Variants in MARK2 observed in about 807,000 individuals in gnomAD.
The protein encoded by MARK2 is serine/threonine-protein kinase MARK2.
MARK2 carries 16 observed loss-of-function variants against 89.8 expected under a neutral mutation model. The observed-to-expected ratio is 0.18, with a 90% CI of 0.12 to 0.27. The LOEUF (loss-of-function observed/expected upper bound fraction) is 0.27. Ranked by LOEUF, MARK2 falls within the 10% of genes least tolerant of loss-of-function variation. The pLI, the probability that MARK2 is intolerant of heterozygous loss-of-function variation, is 1.00. For synonymous variants in MARK2, 382 were observed against 399.5 expected, an observed-to-expected ratio of 0.96 and a Z score of 0.52; for missense variants, 621 against 1,049.9, an observed-to-expected ratio of 0.59 and a Z score of 5.65.
At chr11:63,867,861 A>C (rs1056562122) in intron 1 of MARK2, among the ~76,000 whole-genome samples, 1 of 152,196 alleles carries the variant, frequency 6.6e-6, no homozygotes, top group African/African-American at 2.4e-5. Context: ...TGAAAAAAAA[A>C]CAAAAGCCAT....
intron 1 of MARK2, among the ~76,000 whole-genome samples, chr11:63,871,144 A>G (rs546627033): frequency 3.3e-5 from 5 of 152,350 alleles, no homozygotes; most frequent in African/African-American, 1.2e-4. Flanking sequence ...ACGTGCGTGC[A>G]TACAGAAAGT....
rs778849888 is a variant in MARK2 at position 63,908,932 on chromosome 11, G to A, written c.2062G>A (p.Ala688Thr). 3 of 1,515,736 alleles carry A rather than the reference G, an allele frequency of 2.0e-6. No individual in the cohort carries two copies. The highest frequency in any genetic ancestry group is 2.7e-6 in the Non-Finnish European group (3 of 1,124,460). 93.9% of individuals were successfully genotyped at this position (1,515,736 alleles called of 1,614,324 possible). The change falls in exon 19 of 19, where the codon GCC (alanine) becomes ACC (threonine). Residue 688 changes from alanine to threonine, a missense_variant. Coordinates refer to ENST00000402010, the MANE Select transcript of MARK2 (RefSeq NM_001039469.3). ...NDKEKEEFRE[A>T]KPRSLRFTWS... is the part of the protein sequence containing the mutation. ...CAAAGAAAAGGAAGAATTTCGGGAG[G>A]CCAAGCCCCGCTCCCTCCGCTTCAC...
chr11:63,886,776 T>A (rs1181486667), intron 1 of MARK2, among the ~76,000 whole-genome samples: 4 of 152,212 alleles, frequency 2.6e-5, no homozygotes, highest in Non-Finnish European at 4.4e-5. Context: ...AGCTTTTCTG[T>A]TTGTAGTCAG....
intron 1 of MARK2, among the ~76,000 whole-genome samples, chr11:63,839,803 C>T (rs2015914714): frequency 6.6e-6 from 1 of 152,074 alleles, no homozygotes; most frequent in Admixed American, 6.5e-5. Context: ...CCTCACCGCC[C>T]TCCTGCGCTC....
intron 1 of MARK2, chr11:63,890,369 C>A: frequency 1.1e-6 from 1 of 919,384 alleles, no homozygotes; most frequent in Non-Finnish European, 1.5e-6. Context: ...GGGTTGGTGA[C>A]TTTGGAGCAG....
intron 1 of MARK2, among the ~76,000 whole-genome samples, chr11:63,877,162 T>A (rs1938813843): frequency 7.6e-6 from 1 of 131,816 alleles, no homozygotes; most frequent in Admixed American, 9.7e-5. Context: ...GAGGCTGGAG[T>A]GCAGTGGCAT....
chr11:63,901,692 CTGTG>C lies in MARK2; in HGVS notation c.1102-478_1102-475del, dbSNP rs56308004. Reference sequence around the variant, plus strand: ...GTGCTTTATGTTTGGGTGTGTGTATCTGTGTGTGTGTGTGTGTGTGTGTGTGTGT... The same window carrying C: ...GTGCTTTATGTTTGGGTGTGTGTATCTGTGTGTGTGTGTGTGTGTGTGTGT... On this transcript the variant is annotated intron_variant, in intron 11 of 18. Transcript: ENST00000402010. Among the ~76,000 whole-genome samples, 812 of 134,756 alleles carry C rather than the reference CTGTG, an allele frequency of 6.0e-3. 3 individuals are homozygous for C. The highest frequency in any genetic ancestry group is 0.014 in the East Asian group (58 of 4,262). The allele number at this position is 134,756 out of a possible 152,430, so 88.4% of individuals were successfully genotyped here.
chr11:63,854,387 T>G (rs1454895309), intron 1 of MARK2, among the ~76,000 whole-genome samples: 4 of 149,006 alleles, frequency 2.7e-5, no homozygotes, highest in Non-Finnish European at 4.5e-5. Context: ...TGTTTTTTTT[T>G]TTTTTTTTTG....
intron 1 of MARK2, among the ~76,000 whole-genome samples, chr11:63,886,251 C>T (rs542073778): frequency 2.0e-5 from 3 of 152,002 alleles, no homozygotes; most frequent in Admixed American, 6.6e-5. Context: ...CTTAGCCTCC[C>T]GAGTAGCTGA....
rs1940963689 is a variant in MARK2, at chr11:63,902,313, G to A, written c.1217G>A (p.Arg406Gln). 1.9e-6 allele frequency: 3 copies of A among 1,614,054 alleles called. No homozygotes were observed. The highest frequency in any genetic ancestry group is 2.5e-6 in the Non-Finnish European group (3 of 1,179,974). ...QRSVSANPKQ[R>Q]RFSDQAAGPA... ...AGCGTGTCGGCCAATCCCAAGCAGC[G>A]GCGCTTCAGCGACCAGGGTAAATGC... Residue 406 changes from arginine (R) to glutamine (Q), a missense_variant, in exon 12 of 19, where the codon CGG becomes CAG. Arg to Gln is a conservative substitution (Grantham distance 43, BLOSUM62 1). Coordinates refer to ENST00000402010, the MANE Select transcript of MARK2 (RefSeq NM_001039469.3). The surrounding 1 kb of genome is among the most constrained non-coding windows in gnomAD (Gnocchi z 4.2).
At chr11:63,842,023 C>T (rs545607440) in intron 1 of MARK2, among the ~76,000 whole-genome samples, 13 of 152,164 alleles carry the variant, frequency 8.5e-5, no homozygotes, top group Non-Finnish European at 1.2e-4. Flanking sequence ...ACATTGTCAT[C>T]CTGTTAGGAT....
intron 1 of MARK2, among the ~76,000 whole-genome samples, chr11:63,874,707 A>G (rs1257114234): frequency 1.3e-5 from 2 of 152,200 alleles, no homozygotes; most frequent in African/African-American, 4.8e-5. Flanking sequence ...CCCCTTGTCT[A>G]TAAACAAGTG....
intron 1 of MARK2, among the ~76,000 whole-genome samples, chr11:63,850,452 C>T (rs1422858351): frequency 2.0e-5 from 3 of 151,302 alleles, no homozygotes; most frequent in Non-Finnish European, 4.4e-5. Flanking sequence ...CAGGCGTGAG[C>T]CACTGCACCC....
chr11:63,853,392 T>TA lies in MARK2; in HGVS notation c.54+13847dup, dbSNP rs146715941. 6.5e-3 allele frequency among the ~76,000 whole-genome samples: 817 copies of TA among 125,538 alleles called. 3 individuals are homozygous for TA. Among genetic ancestry groups the TA allele is most frequent in the African/African-American group, 0.015 (516 of 33,950 alleles). The allele number at this position is 125,538 out of a possible 152,430, so 82.4% of individuals were successfully genotyped here. ...CCAGCCTGGGCGACAAGAGCGAAACTAAAAAAAAAAAAAAAGATGTAGCTG... is the reference window on the plus strand; with the variant it reads ...CCAGCCTGGGCGACAAGAGCGAAACTAAAAAAAAAAAAAAAAGATGTAGCTG... On this transcript the variant is annotated intron_variant, in intron 1 of 18. Transcript: ENST00000402010.
chr11:63,857,952 C>T (rs974215625), intron 1 of MARK2, among the ~76,000 whole-genome samples: 4 of 152,278 alleles, frequency 2.6e-5, no homozygotes, highest in African/African-American at 7.2e-5. Context: ...AAGCAATCCT[C>T]TCATCTCAGC....
intron 1 of MARK2, among the ~76,000 whole-genome samples, chr11:63,869,922 A>C (rs1938353309): frequency 6.6e-6 from 1 of 152,088 alleles, no homozygotes. Context: ...ACAGGAAGAC[A>C]CTCAGGGCTC....
chr11:63,899,116 A>T lies in MARK2; in HGVS notation c.531+8A>T. On this transcript the variant is annotated splice_region_variant and intron_variant, in intron 7 of 18. Coordinates refer to ENST00000402010, the MANE Select transcript of MARK2 (RefSeq NM_001039469.3). ...GTCCATAGAGACTTAAAGGTAAGGC[A>T]TGCACTTCTCCTTGTGCCTTTGAGT... The T allele has an allele frequency of 6.3e-7, 1 of 1,597,854 alleles. No homozygotes were observed. The highest frequency in any genetic ancestry group is 8.6e-7 in the Non-Finnish European group (1 of 1,167,022).
intron 1 of MARK2, among the ~76,000 whole-genome samples, chr11:63,876,718 C>G (rs1239634513): frequency 6.6e-6 from 1 of 152,154 alleles, no homozygotes; most frequent in Non-Finnish European, 1.5e-5. Context: ...GCCATCTTTT[C>G]TTCCCTGCCA....
At chr11:63,841,864 T>A (rs972554224) in intron 1 of MARK2, among the ~76,000 whole-genome samples, 2 of 152,232 alleles carry the variant, frequency 1.3e-5, no homozygotes, top group African/African-American at 4.8e-5. Flanking sequence ...CCTTTCTTCC[T>A]TACATGCCTA....
Sources: allele counts gnomAD v4.1 joint callset (sites outside exome capture counted in the v4.1 genomes callset), GRCh38; gene constraint gnomAD v4.1.1; non-coding constraint Gnocchi (gnomAD v3.1); transcripts MANE v1.5; gene names NCBI Gene and HGNC (gene_info 2026-07-23, HGNC 2026-07-21).